CHRNA5: variants seen among roughly 807,000 people sequenced by gnomAD.
CHRNA5 encodes neuronal acetylcholine receptor subunit alpha-5.
In CHRNA5, 28 loss-of-function variants were observed where a neutral mutation model predicts 41.2. That is an observed-to-expected ratio of 0.68 (90% confidence interval 0.50 to 0.93). The LOEUF (loss-of-function observed/expected upper bound fraction) is 0.93. CHRNA5 is among the 40% of genes least tolerant of loss of function. CHRNA5 has a pLI of 0.00. For synonymous variants in CHRNA5, 188 were observed against 205.8 expected (o/e 0.91, Z 0.74); for missense variants, 481 against 581.9 (o/e 0.83, Z 1.78).
intron 1 of CHRNA5, among the ~76,000 whole-genome samples, chr15:78,573,963 A>ATTTTTTTT (rs979485573): frequency 1.4e-3 from 138 of 102,072 alleles, no homozygotes; most frequent in Non-Finnish European, 2.0e-3. Flanking sequence ...CGCCTGGCTA[A>ATTTTTTTT]TTTTTTTTTT....
At chr15:78,573,600 T>G (rs953033533) in intron 1 of CHRNA5, among the ~76,000 whole-genome samples, 3 of 152,204 alleles carry the variant, frequency 2.0e-5, no homozygotes, top group Non-Finnish European at 1.5e-5. Flanking sequence ...GATTTAAGAA[T>G]AATTTGTGGC....
intron 2 of CHRNA5, among the ~76,000 whole-genome samples, chr15:78,585,655 A>G (rs2052952259): frequency 6.6e-6 from 1 of 152,196 alleles, no homozygotes; most frequent in Non-Finnish European, 1.5e-5. Context: ...CATAGCAAAG[A>G]CATGATAGCA....
chr15:78,590,001 G>A, exon 5 of CHRNA5: 1 of 1,614,108 alleles, frequency 6.2e-7, no homozygotes, highest in South Asian at 1.1e-5. Context: ...AATTCTAGAG[G>A]ACCAAGATGT....
intron 1 of CHRNA5, among the ~76,000 whole-genome samples, chr15:78,569,804 G>A (rs2052783891): frequency 6.6e-6 from 1 of 151,542 alleles, no homozygotes; most frequent in Admixed American, 6.6e-5. Context: ...CATGGGTATA[G>A]TGTTTTTTTT....
rs111591673 is a variant in CHRNA5 at position 78,569,806 on chromosome 15, G to GT, written c.106+3989dup. ...TTCCACAGAACAGCATGGGTATAGT[G>GT]TTTTTTTTGTTTTTGTTTTTGTTTT... On this transcript the variant is annotated intron_variant, in intron 1 of 5. Coordinates refer to ENST00000299565, the Ensembl canonical transcript of CHRNA5. 1.5e-4 allele frequency among the ~76,000 whole-genome samples: 22 copies of GT among 151,206 alleles called. 1 individual carries two copies. The South Asian group carries it at 2.3e-3, about 16-fold the overall frequency.
chr15:78,578,558 A>G (rs1567056019), intron 1 of CHRNA5, among the ~76,000 whole-genome samples: 1 of 152,202 alleles, frequency 6.6e-6, no homozygotes, highest in Non-Finnish European at 1.5e-5. Context: ...CTAGTTATTC[A>G]GGGAAGCAGG....
exon 5 of CHRNA5, chr15:78,590,110 T>C: frequency 6.2e-7 from 1 of 1,614,214 alleles, no homozygotes; most frequent in South Asian, 1.1e-5. Flanking sequence ...TATCCGTATG[T>C]CACTTACTCA....
At position 78,587,133 on chromosome 15, in the gene CHRNA5, T is replaced by G. The variant is rs553421548; in HGVS notation, c.303+444T>G. Reference sequence around the variant, plus strand: ...CATGGCAGCAGGCAAGAGAGCATGTTCAGGGGAACTGCCCTTTATAAAACC... The same window carrying G: ...CATGGCAGCAGGCAAGAGAGCATGTGCAGGGGAACTGCCCTTTATAAAACC... On this transcript the variant is annotated intron_variant, in intron 3 of 5. Coordinates refer to ENST00000299565, the Ensembl canonical transcript of CHRNA5. Among the ~76,000 whole-genome samples the G allele has an allele frequency of 2.7e-4, 41 of 152,254 alleles. No homozygotes were observed. The Middle Eastern group carries it at 0.01, about 38-fold the overall frequency.
intron 3 of CHRNA5, among the ~76,000 whole-genome samples, chr15:78,587,620 A>G (rs2052973136): frequency 6.6e-6 from 1 of 152,152 alleles, no homozygotes; most frequent in Non-Finnish European, 1.5e-5. Context: ...AGGCCACTGC[A>G]AGGATTCTGA....
exon 6 of CHRNA5, chr15:78,593,103 T>C (rs778479885): frequency 1.2e-6 from 2 of 1,605,790 alleles, no homozygotes; most frequent in Non-Finnish European, 1.7e-6. Context: ...TTGTTGAAGA[T>C]TGGAAATTCA....
chr15:78,590,492 A>G, exon 5 of CHRNA5: 1 of 1,614,218 alleles, frequency 6.2e-7, no homozygotes, highest in Non-Finnish European at 8.5e-7. Flanking sequence ...TTTGCATGAG[A>G]AGTCATGTAG....
At chr15:78,582,855 G>A (rs1400261225) in intron 2 of CHRNA5, among the ~76,000 whole-genome samples, 1 of 152,198 alleles carries the variant, frequency 6.6e-6, no homozygotes, top group Non-Finnish European at 1.5e-5. Flanking sequence ...ACTGGACGGT[G>A]GAGAAGGTGA....
chr15:78,593,273 G>GTA lies in CHRNA5; in HGVS notation c.*23_*24dup, dbSNP rs3830438. On this transcript the variant is annotated 3_prime_UTR_variant, in exon 6 of 6. Coordinates refer to ENST00000299565, the Ensembl canonical transcript of CHRNA5. ...AAGTGAAGCCTCCCAAGGGACTGAA[G>GTA]TATACATTTAGTTAACACACATATA... 13,229 of 1,588,238 alleles carry GTA rather than the reference G, an allele frequency of 8.3e-3. 1,516 individuals are homozygous for GTA. The East Asian group carries it at 0.26, about 31-fold the overall frequency.
At chr15:78,590,723 T>C in intron 5 of CHRNA5, 87 bp downstream of exon 5, 1 of 1,094,472 alleles carries the variant, frequency 9.1e-7, no homozygotes, top group Non-Finnish European at 1.3e-6. Flanking sequence ...GTAAACAGCA[T>C]GACCCTTAAG....
At chr15:78,575,166 C>A (rs2141403635) in intron 1 of CHRNA5, among the ~76,000 whole-genome samples, 1 of 152,154 alleles carries the variant, frequency 6.6e-6, no homozygotes, top group Admixed American at 6.5e-5. Flanking sequence ...AATGATTTGA[C>A]TGTGATTTTT....
At chr15:78,571,121 C>G (rs1428762151) in intron 1 of CHRNA5, among the ~76,000 whole-genome samples, 3 of 152,180 alleles carry the variant, frequency 2.0e-5, no homozygotes, top group African/African-American at 7.2e-5. Flanking sequence ...CTAACAAGCT[C>G]CCAGGTGATG....
intron 5 of CHRNA5, 171 bp from the exon 6 acceptor site, chr15:78,592,921 A>G: frequency 1.7e-6 from 1 of 603,864 alleles, no homozygotes. Flanking sequence ...TATCTATAGT[A>G]GACCTTCAGG....
Position 78,583,394 on chromosome 15 carries a change from C to T in CHRNA5, c.258+2432C>T, listed in dbSNP as rs553177314. Among the ~76,000 whole-genome samples, 9 of 152,244 alleles carry T rather than the reference C, an allele frequency of 5.9e-5. No individual in the cohort carries two copies. In the East Asian group the frequency reaches 1.7e-3, roughly 29 times the overall value. ...AGGTGATTAGAGTGGAAGAGTAACA[C>T]ATTTGAAAAATACTGTCGGCCGGGC... is the stretch of plus-strand genomic sequence containing the variant. On this transcript the variant is annotated intron_variant, in intron 2 of 5. Transcript: ENST00000299565.
At chr15:78,575,764 C>A (rs565573923) in intron 1 of CHRNA5, among the ~76,000 whole-genome samples, 1 of 152,262 alleles carries the variant, frequency 6.6e-6, no homozygotes, top group South Asian at 2.1e-4. Flanking sequence ...TTTTTTAATA[C>A]CTGTGTCACA....
Sources: gnomAD v4.1 joint callset for allele counts (sites outside exome capture counted in the v4.1 genomes callset) on GRCh38, gnomAD v4.1.1 for gene constraint, MANE v1.5 for transcripts, NCBI Gene and HGNC (gene_info 2026-07-23, HGNC 2026-07-21) for gene names.